Variants in METTL15 observed in about 807,000 individuals in gnomAD.
METTL15 encodes methyltransferase 15, mitochondrial 12S rRNA N4-cytidine.
In METTL15, 34 loss-of-function variants were observed where a neutral mutation model predicts 38.3. The observed-to-expected ratio is 0.89, with a 90% CI of 0.68 to 1.18. METTL15 has a LOEUF of 1.18. Ranked by LOEUF, METTL15 falls within the 50% of genes most tolerant of loss-of-function variation. The pLI is 0.00. For synonymous variants in METTL15, 162 were observed against 170.9 expected (o/e 0.95, Z 0.41); for missense variants, 438 against 498.4 (o/e 0.88, Z 1.15).
chr11:28,378,103 C>G (rs571726265), intron 5 of METTL15, among the ~76,000 whole-genome samples: 2 of 152,246 alleles, frequency 1.3e-5, no homozygotes, highest in South Asian at 2.1e-4. Flanking sequence ...TTACTGCTGT[C>G]TTTTTGTTTG....
chr11:28,219,974 T>C (rs1242268666), intron 4 of METTL15, among the ~76,000 whole-genome samples: 1 of 152,164 alleles, frequency 6.6e-6, no homozygotes, highest in African/African-American at 2.4e-5. Flanking sequence ...GAGTGCTTTA[T>C]TTCCAACTAT....
At chr11:28,485,088 A>T (rs539366290) in intron 6 of METTL15, among the ~76,000 whole-genome samples, 39 of 150,230 alleles carry the variant, frequency 2.6e-4, no homozygotes, top group African/African-American at 9.1e-4. Context: ...GATCTGTGAC[A>T]TCCCACAATC....
intron 3 of METTL15, among the ~76,000 whole-genome samples, chr11:28,154,818 C>G (rs963614315): frequency 6.6e-6 from 1 of 152,096 alleles, no homozygotes; most frequent in African/African-American, 2.4e-5. Context: ...CACAGGGTCT[C>G]TGTTTTTCTC....
At chr11:28,458,111 C>T (rs747372767) in intron 6 of METTL15, among the ~76,000 whole-genome samples, 1 of 152,154 alleles carries the variant, frequency 6.6e-6, no homozygotes, top group Non-Finnish European at 1.5e-5. Context: ...CCAGAAAAAC[C>T]TCTCCAGTCT....
intron 6 of METTL15, among the ~76,000 whole-genome samples, chr11:28,323,475 T>C (rs1246045607): frequency 1.3e-5 from 2 of 152,188 alleles, no homozygotes; most frequent in Admixed American, 6.5e-5. Context: ...TTTTGTATTA[T>C]GTGATATTTG....
At chr11:28,186,939 C>T (rs973961466) in intron 3 of METTL15, among the ~76,000 whole-genome samples, 5 of 151,036 alleles carry the variant, frequency 3.3e-5, no homozygotes, top group Non-Finnish European at 7.4e-5. Context: ...CACATACCTT[C>T]ATTTCCTTAA....
intron 3 of METTL15, among the ~76,000 whole-genome samples, chr11:28,126,621 GTTATA>G (rs137933516): frequency 1.3e-3 from 197 of 152,186 alleles, no homozygotes; most frequent in African/African-American, 4.7e-3. Flanking sequence ...GCAGTGAGGT[GTTATA>G]TCTGAGTTTT....
At chr11:28,236,817 C>T (rs1366386508) in intron 4 of METTL15, among the ~76,000 whole-genome samples, 4 of 152,120 alleles carry the variant, frequency 2.6e-5, no homozygotes, top group Non-Finnish European at 5.9e-5. Context: ...AATCTCTCAG[C>T]ATTTGCTTGT....
At chr11:28,375,309 G>T (rs1234624868) in intron 5 of METTL15, among the ~76,000 whole-genome samples, 1 of 149,736 alleles carries the variant, frequency 6.7e-6, no homozygotes, top group Non-Finnish European at 1.5e-5. Context: ...ACTCTTTTTG[G>T]TTGGTAAGCT....
At chr11:28,352,641 T>G (rs1378471142) in intron 4 of METTL15, among the ~76,000 whole-genome samples, 2 of 152,178 alleles carry the variant, frequency 1.3e-5, no homozygotes, top group Non-Finnish European at 2.9e-5. Flanking sequence ...CCTTACCCTG[T>G]CTTTGAACTC....
At chr11:28,238,618 C>T (rs758740910) in intron 4 of METTL15, among the ~76,000 whole-genome samples, 2 of 152,230 alleles carry the variant, frequency 1.3e-5, no homozygotes, top group Non-Finnish European at 2.9e-5. Context: ...ACCCACTGTC[C>T]TGCGCCCACT....
chr11:28,421,295 C>G (rs963153409), intron 5 of METTL15, among the ~76,000 whole-genome samples: 5 of 151,914 alleles, frequency 3.3e-5, no homozygotes, highest in Non-Finnish European at 7.4e-5. Context: ...TAAAGAAGAA[C>G]TAATATCAAT....
At chr11:28,366,772 G>A (rs1287339474) in intron 5 of METTL15, among the ~76,000 whole-genome samples, 1 of 152,118 alleles carries the variant, frequency 6.6e-6, no homozygotes, top group Non-Finnish European at 1.5e-5. Flanking sequence ...TATTTAAATA[G>A]AGTTTATCTA....
chr11:28,179,409 C>G lies in METTL15; in HGVS notation c.271-31653C>G, dbSNP rs1345240819. On this transcript the variant is annotated intron_variant, in intron 3 of 6. Transcript: ENST00000407364. Reference sequence around the variant, plus strand: ...TTAAATGAATACCCTCTTGTAATTACTACTCAAATGAAGATATGTAACATC... The same window carrying G: ...TTAAATGAATACCCTCTTGTAATTAGTACTCAAATGAAGATATGTAACATC... Among the ~76,000 whole-genome samples, 3 of 151,678 alleles carry G rather than the reference C, an allele frequency of 2.0e-5. No homozygotes were observed. The East Asian group carries it at 5.8e-4, about 29-fold the overall frequency.
chr11:28,239,931 C>T (rs532809506), intron 4 of METTL15, among the ~76,000 whole-genome samples: 2 of 152,056 alleles, frequency 1.3e-5, no homozygotes, highest in Admixed American at 6.6e-5. Flanking sequence ...CTGTTTACCC[C>T]AACTAGAATA....
intron 4 of METTL15, among the ~76,000 whole-genome samples, chr11:28,230,729 A>G (rs1469183173): frequency 6.6e-6 from 1 of 151,766 alleles, no homozygotes; most frequent in East Asian, 1.9e-4. Context: ...GACACCCCCC[A>G]TTTTTGCCTG....
At chr11:28,403,875 G>A (rs1850651768) in intron 5 of METTL15, among the ~76,000 whole-genome samples, 1 of 152,038 alleles carries the variant, frequency 6.6e-6, no homozygotes, top group South Asian at 2.1e-4. Flanking sequence ...AAGCAAAGAG[G>A]AGTAAAAATG....
chr11:28,353,625 G>A (rs906575262), intron 4 of METTL15, among the ~76,000 whole-genome samples: 2 of 152,138 alleles, frequency 1.3e-5, no homozygotes, highest in Non-Finnish European at 2.9e-5. Flanking sequence ...TCATAAGTAT[G>A]TAAGTGTAAT....
chr11:28,377,643 C>T (rs1369957232), intron 5 of METTL15, among the ~76,000 whole-genome samples: 2 of 152,104 alleles, frequency 1.3e-5, no homozygotes, highest in East Asian at 1.9e-4. Flanking sequence ...TCGTCTGAAG[C>T]CTTCTTCTCT....
Sources: allele counts gnomAD v4.1 joint callset (sites outside exome capture counted in the v4.1 genomes callset), GRCh38; gene constraint gnomAD v4.1.1; transcripts MANE v1.5; gene names NCBI Gene and HGNC (gene_info 2026-07-23, HGNC 2026-07-21).